The following PDZD8 variants were observed in gnomAD, a reference collection of about 807,000 sequenced individuals.
PDZD8 encodes PDZ domain containing 8.
In PDZD8, 14 loss-of-function variants were observed where a neutral mutation model predicts 85.8. The observed-to-expected ratio is 0.16, with a 90% confidence interval of 0.11 to 0.26. The LOEUF (loss-of-function observed/expected upper bound fraction) is 0.26. Ranked by LOEUF, PDZD8 falls within the 10% of genes least tolerant of loss-of-function variation. PDZD8 has a pLI of 1.00. For synonymous variants in PDZD8, 592 were observed against 568.6 expected, an observed-to-expected ratio of 1.04 and a Z score of -0.59; for missense variants, 1,197 against 1,424.3, an observed-to-expected ratio of 0.84 and a Z score of 2.57.
chr10:117,290,409 AAACAGT>A, intron 3 of PDZD8, 61 bp from the exon 4 acceptor site: 1 of 1,347,014 alleles, frequency 7.4e-7, no homozygotes, highest in Non-Finnish European at 1.0e-6. Flanking sequence ...TAGAGGAAAA[AAACAGT>A]AACAGACTGT....
intron 4 of PDZD8, among the ~76,000 whole-genome samples, chr10:117,286,260 C>A (rs1371353499): frequency 6.6e-6 from 1 of 152,198 alleles, no homozygotes; most frequent in Non-Finnish European, 1.5e-5. Flanking sequence ...CCTTCCCTGA[C>A]CTTAGTAGCT....
At chr10:117,293,436 C>T (rs372285224) in intron 3 of PDZD8, among the ~76,000 whole-genome samples, 3 of 152,004 alleles carry the variant, frequency 2.0e-5, no homozygotes, top group African/African-American at 7.2e-5. Flanking sequence ...AACATGCATT[C>T]CCTGGAATAT....
intron 1 of PDZD8, among the ~76,000 whole-genome samples, chr10:117,347,139 T>C (rs1844723009): frequency 6.6e-6 from 1 of 151,662 alleles, no homozygotes; most frequent in South Asian, 2.1e-4. Context: ...CCCCAGACAA[T>C]GGAACCGTTT....
intron 1 of PDZD8, among the ~76,000 whole-genome samples, chr10:117,350,719 T>C (rs1003926705): frequency 6.6e-6 from 1 of 151,220 alleles, no homozygotes; most frequent in Admixed American, 6.6e-5. Context: ...CTGGCTAACA[T>C]GGTGAAACCC....
At chr10:117,373,870 T>A (rs559109049) in intron 1 of PDZD8, among the ~76,000 whole-genome samples, 1 of 152,214 alleles carries the variant, frequency 6.6e-6, no homozygotes, top group Non-Finnish European at 1.5e-5. Flanking sequence ...AAAGCAAAAG[T>A]GGCTTGCAAT....
chr10:117,285,369 C>T lies in PDZD8; in HGVS notation c.1364G>A (p.Gly455Asp), dbSNP rs1362647041. Residue 455 changes from glycine to aspartate, a missense_variant, in exon 5 of 5, where the codon GGT (glycine) becomes GAT (aspartate). This residue lies in a region of PDZD8 where 263 missense variants were observed against 261.9 expected (regional missense o/e 1.00). Transcript: ENST00000334464. ...GCCAAAGTTATCTTGCAGCACTGCA[C>T]CTTGATTACTCTGGCCAACAGGCCT... Reference protein sequence around the residue: ...YERPVGQSNQGAVLQDNFGQL... With the variant: ...YERPVGQSNQDAVLQDNFGQL... 2 of 1,614,124 alleles carry T rather than the reference C, an allele frequency of 1.2e-6. No individual in the cohort carries two copies. Among genetic ancestry groups the T allele is most frequent in the Non-Finnish European group, 1.7e-6 (2 of 1,180,022 alleles).
At chr10:117,311,930 C>A (rs996346121) in intron 3 of PDZD8, among the ~76,000 whole-genome samples, 1 of 151,596 alleles carries the variant, frequency 6.6e-6, no homozygotes, top group Non-Finnish European at 1.5e-5. Flanking sequence ...AAGCATGGTG[C>A]CACGAAGGAG....
chr10:117,285,753 A>T, intron 4 of PDZD8: 1 of 1,095,976 alleles, frequency 9.1e-7, no homozygotes. Flanking sequence ...CTAACTCCTA[A>T]TTGCTTTCTA....
At chr10:117,304,860 T>C (rs1407289038) in intron 3 of PDZD8, among the ~76,000 whole-genome samples, 1 of 152,174 alleles carries the variant, frequency 6.6e-6, no homozygotes, top group Non-Finnish European at 1.5e-5. Context: ...CCTCTTTTTG[T>C]TCCCAGTTTC....
At chr10:117,368,283 T>G (rs12249877) in intron 1 of PDZD8, among the ~76,000 whole-genome samples, 15,007 of 152,252 alleles carry the variant, frequency 0.099, 1,062 homozygotes, top group East Asian at 0.34. Context: ...TATAGAGATA[T>G]GAGCAACAGT....
intron 1 of PDZD8, among the ~76,000 whole-genome samples, chr10:117,361,392 G>C (rs1004607398): frequency 6.6e-6 from 1 of 152,092 alleles, no homozygotes; most frequent in Non-Finnish European, 1.5e-5. Context: ...TTGCTCTCTG[G>C]ACAAAGATGG....
intron 1 of PDZD8, among the ~76,000 whole-genome samples, chr10:117,343,832 G>A (rs1389837967): frequency 1.3e-5 from 2 of 152,094 alleles, no homozygotes; most frequent in East Asian, 3.8e-4. Flanking sequence ...GAACATGTTC[G>A]GCAAGCCAAT....
At chr10:117,347,274 G>A (rs1227317856) in intron 1 of PDZD8, among the ~76,000 whole-genome samples, 2 of 152,104 alleles carry the variant, frequency 1.3e-5, no homozygotes, top group African/African-American at 4.8e-5. Context: ...ACTACCTGAA[G>A]GCTTCCTCTG....
In PDZD8 at chr10:117,280,110, A is replaced by C. The variant is rs1844557270; in HGVS notation, c.*3158T>G. ...TTTTTAGGTTGTGTTTTCTCCTCCCAGCATCACAAAATAGCCACTTATTTC... is the reference window on the plus strand; with the variant it reads ...TTTTTAGGTTGTGTTTTCTCCTCCCCGCATCACAAAATAGCCACTTATTTC... On this transcript the variant is annotated 3_prime_UTR_variant, in exon 5 of 5. Transcript: ENST00000334464. The C allele has an allele frequency of 6.6e-6, 1 of 152,172 alleles. No homozygotes were observed. The allele number at this position is 152,172 out of a possible 1,614,324, so 9.4% of individuals were successfully genotyped here.
chr10:117,318,187 G>T (rs1035935046), intron 3 of PDZD8, among the ~76,000 whole-genome samples: 6 of 152,128 alleles, frequency 3.9e-5, no homozygotes, highest in African/African-American at 1.4e-4. Flanking sequence ...ATTTAACTGG[G>T]TGTCCTCTGG....
At chr10:117,318,733 A>T (rs1246770719) in intron 3 of PDZD8, 139 bp downstream of exon 3, 1 of 582,078 alleles carries the variant, frequency 1.7e-6, no homozygotes, top group African/African-American at 1.9e-5. Context: ...GTTGTATTGT[A>T]ACGAGACAAA....
intron 1 of PDZD8, among the ~76,000 whole-genome samples, chr10:117,364,257 T>G (rs1406074693): frequency 6.6e-6 from 1 of 151,924 alleles, no homozygotes; most frequent in East Asian, 1.9e-4. Flanking sequence ...GAAGCCACTC[T>G]CCTTCAATAC....
chr10:117,308,115 T>C (rs1223603097), intron 3 of PDZD8, among the ~76,000 whole-genome samples: 1 of 152,256 alleles, frequency 6.6e-6, no homozygotes, highest in East Asian at 1.9e-4. Context: ...ATTTCTTATC[T>C]TAAATATTCC....
chr10:117,337,245 T>G (rs1844531573), intron 2 of PDZD8, among the ~76,000 whole-genome samples: 1 of 152,160 alleles, frequency 6.6e-6, no homozygotes, highest in Non-Finnish European at 1.5e-5. Context: ...TCAAATATCT[T>G]CTATCCTTCA....
Sources: allele counts gnomAD v4.1 joint callset (sites outside exome capture counted in the v4.1 genomes callset), GRCh38; gene constraint gnomAD v4.1.1; regional missense constraint gnomAD v4.1.1; transcripts MANE v1.5; gene names NCBI Gene and HGNC (gene_info 2026-07-23, HGNC 2026-07-21).